Variants in ZFAND3 observed in about 807,000 individuals in gnomAD.
ZFAND3 encodes the protein AN1-type zinc finger protein 3.
In ZFAND3, 10 loss-of-function variants were observed where a neutral mutation model predicts 29.6. That is an observed-to-expected ratio of 0.34 (90% CI 0.21 to 0.57). The LOEUF (loss-of-function observed/expected upper bound fraction) is 0.57, where lower values mean the gene tolerates loss of function less well. ZFAND3 is among the 20% of genes least tolerant of loss of function. The pLI is 0.86. For synonymous variants in ZFAND3, 128 were observed against 112.6 expected (o/e 1.14, Z -0.87); for missense variants, 230 against 304.5 (o/e 0.76, Z 1.82).
intron 2 of ZFAND3, among the ~76,000 whole-genome samples, chr6:37,986,061 C>T (rs1378648600): frequency 1.3e-5 from 2 of 152,142 alleles, no homozygotes; most frequent in East Asian, 3.8e-4. Flanking sequence ...ACATTGTCTG[C>T]AGATACGTTT....
At chr6:38,018,904 C>A (rs1259943133) in intron 2 of ZFAND3, among the ~76,000 whole-genome samples, 1 of 152,108 alleles carries the variant, frequency 6.6e-6, no homozygotes, top group East Asian at 1.9e-4. Flanking sequence ...CTCCCACTGG[C>A]AGTGTTTGAG....
intron 3 of ZFAND3, among the ~76,000 whole-genome samples, chr6:38,080,385 A>G (rs1389696367): frequency 6.6e-6 from 1 of 152,012 alleles, no homozygotes; most frequent in Non-Finnish European, 1.5e-5. Context: ...GAACGTTATT[A>G]AGCATTCACT....
chr6:38,126,474 G>T (rs956157216), intron 5 of ZFAND3, among the ~76,000 whole-genome samples: 2 of 152,196 alleles, frequency 1.3e-5, no homozygotes, highest in Non-Finnish European at 2.9e-5. Flanking sequence ...AAACTTCCAA[G>T]ATCTTTTCCA....
chr6:37,876,029 T>C (rs1280087063), intron 1 of ZFAND3, among the ~76,000 whole-genome samples: 1 of 152,210 alleles, frequency 6.6e-6, no homozygotes, highest in Non-Finnish European at 1.5e-5. Context: ...AATCACTTTT[T>C]TTTCTATTTT....
chr6:37,898,013 G>C (rs73419457), intron 1 of ZFAND3, among the ~76,000 whole-genome samples: 10,196 of 152,098 alleles, frequency 0.067, 410 homozygotes, highest in Non-Finnish European at 0.085. Context: ...TTCCCTTAGT[G>C]TTATCTTTTG....
At chr6:38,027,566 A>G (rs1189480574) in intron 2 of ZFAND3, among the ~76,000 whole-genome samples, 1 of 152,252 alleles carries the variant, frequency 6.6e-6, no homozygotes, top group African/African-American at 2.4e-5. Context: ...TAAGGCTTGA[A>G]AAACCCAGTG....
At chr6:38,122,238 C>CATAACT (rs1765549034) in intron 5 of ZFAND3, among the ~76,000 whole-genome samples, 1 of 152,182 alleles carries the variant, frequency 6.6e-6, no homozygotes, top group South Asian at 2.1e-4. Context: ...TAGCATTGCA[C>CATAACT]ATAACCTACG....
At chr6:38,052,576 A>G (rs1406028533) in intron 2 of ZFAND3, among the ~76,000 whole-genome samples, 1 of 152,192 alleles carries the variant, frequency 6.6e-6, no homozygotes, top group Non-Finnish European at 1.5e-5. Context: ...CACACTGTGA[A>G]TAAGACATTC....
At chr6:38,096,452 T>C (rs925142211) in intron 4 of ZFAND3, among the ~76,000 whole-genome samples, 8 of 152,240 alleles carry the variant, frequency 5.3e-5, no homozygotes, top group Admixed American at 1.3e-4. Flanking sequence ...ATTACAGGCG[T>C]GAGCCACTGT....
chr6:38,064,068 C>G (rs1764294847), intron 3 of ZFAND3, among the ~76,000 whole-genome samples: 1 of 152,096 alleles, frequency 6.6e-6, no homozygotes, highest in African/African-American at 2.4e-5. Context: ...CAGCTGTGGC[C>G]TCTTGTCCTA....
chr6:37,999,924 C>T (rs1762915296), intron 2 of ZFAND3, among the ~76,000 whole-genome samples: 1 of 152,004 alleles, frequency 6.6e-6, no homozygotes, highest in Non-Finnish European at 1.5e-5. Context: ...GAAATTGGCT[C>T]CTGAGTATAT....
rs373955442 is a variant in ZFAND3 at position 37,821,053 on chromosome 6, G to A, written c.71+1037G>A. On this transcript the variant is annotated intron_variant, in intron 1 of 5. Transcript: ENST00000287218. ...TTAGTTTTATTTTTTGAGAGATTCCGTATATTTGGAGACATAGAGGCAGGA... is the reference window on the plus strand; with the variant it reads ...TTAGTTTTATTTTTTGAGAGATTCCATATATTTGGAGACATAGAGGCAGGA... 1.8e-3 allele frequency among the ~76,000 whole-genome samples: 274 copies of A among 152,252 alleles called. 1 individual carries two copies. Among genetic ancestry groups the A allele is most frequent in the Middle Eastern group, 0.01 (3 of 294 alleles).
intron 1 of ZFAND3, among the ~76,000 whole-genome samples, chr6:37,857,871 G>A (rs1373610699): frequency 6.6e-6 from 1 of 152,202 alleles, no homozygotes; most frequent in African/African-American, 2.4e-5. Flanking sequence ...TTGGTCAGTT[G>A]TATCAGATAG....
At chr6:37,924,827 A>T (rs1011838010) in intron 1 of ZFAND3, among the ~76,000 whole-genome samples, 1 of 151,968 alleles carries the variant, frequency 6.6e-6, no homozygotes, top group Non-Finnish European at 1.5e-5. Context: ...AAAAACAAAA[A>T]ATAAAAAAAT....
intron 5 of ZFAND3, among the ~76,000 whole-genome samples, chr6:38,134,954 T>A (rs1765811967): frequency 6.6e-6 from 1 of 152,210 alleles, no homozygotes; most frequent in South Asian, 2.1e-4. Flanking sequence ...AAGACTGCCT[T>A]AGAGGTCAGT....
At chr6:37,834,143 C>A (rs1357996514) in intron 1 of ZFAND3, among the ~76,000 whole-genome samples, 1 of 152,126 alleles carries the variant, frequency 6.6e-6, no homozygotes, top group South Asian at 2.1e-4. Flanking sequence ...GCCGTAAAAA[C>A]CCTCTCTGCT....
At position 38,126,257 on chromosome 6, in the gene ZFAND3, G is replaced by A. The variant is rs73730898; in HGVS notation, c.529+9518G>A. Among the ~76,000 whole-genome samples the A allele has an allele frequency of 5.0e-3, 768 of 152,242 alleles. 8 individuals carry two copies. The highest frequency in any genetic ancestry group is 0.017 in the African/African-American group (713 of 41,538). ...GTAGTTCATTCCTCTTTAATGCTGA[G>A]TATTATTTCATTGTATGGATATACC... On this transcript the variant is annotated intron_variant, in intron 5 of 5. Coordinates refer to ENST00000287218, the MANE Select transcript of ZFAND3 (RefSeq NM_021943.3).
At chr6:37,965,726 A>G (rs1415178695) in intron 2 of ZFAND3, among the ~76,000 whole-genome samples, 1 of 152,178 alleles carries the variant, frequency 6.6e-6, no homozygotes, top group Non-Finnish European at 1.5e-5. Flanking sequence ...CTGCTGCCTT[A>G]TGGACTGAAG....
chr6:37,856,591 G>A (rs1399018555), intron 1 of ZFAND3, among the ~76,000 whole-genome samples: 1 of 152,042 alleles, frequency 6.6e-6, no homozygotes, highest in East Asian at 1.9e-4. Context: ...TGTATGGTTT[G>A]TATTTACTTT....
Sources: gnomAD v4.1 joint callset for allele counts (sites outside exome capture counted in the v4.1 genomes callset) on GRCh38, gnomAD v4.1.1 for gene constraint, MANE v1.5 for transcripts, NCBI Gene and HGNC (gene_info 2026-07-23, HGNC 2026-07-21) for gene names.